Variants in PIK3C2A observed in about 807,000 individuals in gnomAD.
The protein encoded by PIK3C2A is phosphatidylinositol-4-phosphate 3-kinase catalytic subunit type 2 alpha.
In PIK3C2A, 97 loss-of-function variants were observed where a neutral mutation model predicts 204.5. That is an observed-to-expected ratio of 0.47 (90% CI 0.40 to 0.56). The LOEUF (loss-of-function observed/expected upper bound fraction) is 0.56, where lower values mean the gene tolerates loss of function less well. PIK3C2A is among the 20% of genes least tolerant of loss of function. The pLI is 0.00. For synonymous variants in PIK3C2A, 653 were observed against 664.4 expected, an observed-to-expected ratio of 0.98 and a Z score of 0.26; for missense variants, 1,735 against 1,969.2, an observed-to-expected ratio of 0.88 and a Z score of 2.25.
intron 17 of PIK3C2A, 62 bp downstream of exon 17, chr11:17,119,158 G>C (rs1388226107): frequency 1.1e-6 from 1 of 932,952 alleles, no homozygotes; most frequent in Non-Finnish European, 1.7e-6. Flanking sequence ...GGATCCCTTA[G>C]CAAGTTCCCA....
intron 1 of PIK3C2A, among the ~76,000 whole-genome samples, chr11:17,200,216 T>C (rs1017103375): frequency 2.6e-5 from 4 of 151,470 alleles, no homozygotes; most frequent in African/African-American, 9.7e-5. Context: ...AAAGTCATCG[T>C]CTTGATCGAA....
chr11:17,114,335 GAACTTAT>G lies in PIK3C2A; in HGVS notation c.3321+19_3321+25del. ...TTCCTATTATTTTCAAATGTAATAT[GAACTTAT>G]AAGTATTTTATGTGTCACCTTAATA... On this transcript the variant is annotated intron_variant, in intron 20 of 32. Coordinates refer to ENST00000691414, the MANE Select transcript of PIK3C2A (RefSeq NM_002645.4). 8.9e-7 allele frequency: 1 copy of G among 1,122,064 alleles called. No homozygotes were observed. Among genetic ancestry groups the G allele is most frequent in the Non-Finnish European group, 1.4e-6 (1 of 733,328 alleles). 69.5% of individuals were successfully genotyped at this position (1,122,064 alleles called of 1,614,324 possible). A position where few individuals can be genotyped will look rare whatever the true frequency, so the allele number is the denominator to read the frequency against.
intron 2 of PIK3C2A, among the ~76,000 whole-genome samples, chr11:17,158,861 T>C (rs1324635712): frequency 6.6e-6 from 1 of 152,190 alleles, no homozygotes; most frequent in East Asian, 1.9e-4. Context: ...TTTATTCAAG[T>C]TACGAGTTTG....
chr11:17,131,790 G>A (rs935055414), intron 12 of PIK3C2A, 126 bp downstream of exon 12: 7 of 769,846 alleles, frequency 9.1e-6, no homozygotes, highest in Non-Finnish European at 1.5e-5. Flanking sequence ...GAGATCTTAA[G>A]ACATAAGTCA....
intron 1 of PIK3C2A, among the ~76,000 whole-genome samples, chr11:17,190,399 C>A (rs544132182): frequency 5.9e-5 from 9 of 151,828 alleles, no homozygotes; most frequent in Non-Finnish European, 1.3e-4. Flanking sequence ...TGGTGCAACA[C>A]CATCTCTATT....
In PIK3C2A at chr11:17,145,958, T is replaced by G; in HGVS notation, c.1561-16A>C. 6.3e-7 allele frequency: 1 copy of G among 1,593,716 alleles called. No individual in the cohort carries two copies. Among genetic ancestry groups the G allele is most frequent in the Non-Finnish European group, 8.6e-7 (1 of 1,163,508 alleles). On this transcript the variant is annotated splice_polypyrimidine_tract_variant and intron_variant, in intron 6 of 32. Coordinates refer to ENST00000691414, the MANE Select transcript of PIK3C2A (RefSeq NM_002645.4). Reference sequence around the variant, plus strand: ...CATCTTCTGCCTAAACAAACACATATACACAAAAAAATCACATCCACTCTT... The same window carrying G: ...CATCTTCTGCCTAAACAAACACATAGACACAAAAAAATCACATCCACTCTT...
chr11:17,205,559 T>TCTATAGAGCACTA (rs1443733039), intron 1 of PIK3C2A, among the ~76,000 whole-genome samples: 1 of 151,658 alleles, frequency 6.6e-6, no homozygotes. Context: ...CTACTGCTGC[T>TCTATAGAGCACTA]CTGATGCTCT....
intron 25 of PIK3C2A, among the ~76,000 whole-genome samples, chr11:17,100,377 C>T (rs1210289218): frequency 6.6e-6 from 1 of 151,428 alleles, no homozygotes; most frequent in Non-Finnish European, 1.5e-5. Context: ...CTATGCCTGG[C>T]GAACTTTTTT....
chr11:17,105,837 A>C (rs1056815954), intron 22 of PIK3C2A, among the ~76,000 whole-genome samples: 12 of 152,160 alleles, frequency 7.9e-5, no homozygotes, highest in African/African-American at 2.7e-4. Flanking sequence ...GCCTGGGTGC[A>C]GTGACTCACG....
At chr11:17,132,455 G>A (rs1029222497) in intron 11 of PIK3C2A, among the ~76,000 whole-genome samples, 6 of 148,858 alleles carry the variant, frequency 4.0e-5, no homozygotes, top group Non-Finnish European at 8.9e-5. Flanking sequence ...TCAGCCTCCC[G>A]AGTAGCTGGG....
At chr11:17,125,561 T>G (rs1849494955) in intron 13 of PIK3C2A, among the ~76,000 whole-genome samples, 1 of 152,118 alleles carries the variant, frequency 6.6e-6, no homozygotes, top group Non-Finnish European at 1.5e-5. Context: ...TCGCCCAGGC[T>G]GGAGTGTAGT....
In PIK3C2A at chr11:17,091,350, G is replaced by A. The variant is rs751396589; in HGVS notation, c.4862C>T (p.Pro1621Leu). 4.3e-6 allele frequency: 7 copies of A among 1,612,270 alleles called. No homozygotes were observed. Among genetic ancestry groups the A allele is most frequent in the African/African-American group, 1.3e-5 (1 of 74,934 alleles). ...KTKISRKTRN[P>L]TFNEMLVYSG... ...TTAACTTACCATTTCATTGAATGTC[G>A]GATTCCTCGTTTTTCGTGAAATTTT... The change falls in exon 32 of 33, where the codon CCG becomes CTG. Residue 1621 changes from proline (P) to leucine (L), a missense_variant. Transcript: ENST00000691414.
At chr11:17,160,753 G>C (rs1417494302) in intron 2 of PIK3C2A, among the ~76,000 whole-genome samples, 1 of 150,868 alleles carries the variant, frequency 6.6e-6, no homozygotes, top group African/African-American at 2.4e-5. Flanking sequence ...GAACCCAGGA[G>C]ACAGAGGTTG....
intron 24 of PIK3C2A, 43 bp downstream of exon 24, chr11:17,102,619 C>T (rs1422399453): frequency 2.0e-6 from 3 of 1,479,946 alleles, no homozygotes; most frequent in Admixed American, 2.1e-5. Flanking sequence ...ATTTGTGAAA[C>T]AGGAAGTGCC....
intron 21 of PIK3C2A, among the ~76,000 whole-genome samples, chr11:17,111,191 A>T (rs1461335746): frequency 6.6e-6 from 1 of 152,222 alleles, no homozygotes; most frequent in Non-Finnish European, 1.5e-5. Flanking sequence ...TACAGGCATG[A>T]GCCACCATAT....
In PIK3C2A at chr11:17,169,166, T is replaced by C. The variant is rs1851073557; in HGVS notation, c.576A>G (p.Gln192=). The C allele has an allele frequency of 2.5e-6, 4 of 1,613,760 alleles. No individual in the cohort carries two copies. Among genetic ancestry groups the C allele is most frequent in the African/African-American group, 2.7e-5 (2 of 74,906 alleles). ...TCAAAGGATATGAGAAATATGGAGA[T>C]TGTCCCGGAAGACTTAAATATATAG... ...TEPIYLSLPG[Q]SPYFSYPLTP... is the part of the protein sequence containing the mutation. Residue 192 remains glutamine, a synonymous_variant, in exon 2 of 33, where the codon CAA becomes CAG. Coordinates refer to ENST00000691414, the MANE Select transcript of PIK3C2A (RefSeq NM_002645.4).
intron 3 of PIK3C2A, among the ~76,000 whole-genome samples, chr11:17,154,254 C>A (rs1850514321): frequency 3.3e-5 from 5 of 152,110 alleles, no homozygotes. Flanking sequence ...CAGGAAAATA[C>A]AAGGCCTGTC....
At position 17,108,436 on chromosome 11, in the gene PIK3C2A, T is replaced by C. The variant is rs1437470141; in HGVS notation, c.3544+1996A>G. On this transcript the variant is annotated intron_variant, in intron 22 of 32. Transcript: ENST00000691414. ...GACAACATAGTGAGACCCCTGTCTT[T>C]ATGAAAAATTTTAAAAATTAGCTGG... Among the ~76,000 whole-genome samples the C allele has an allele frequency of 2.6e-5, 4 of 152,098 alleles. No individual in the cohort carries two copies. In the South Asian group the frequency reaches 6.2e-4, roughly 24 times the overall value.
chr11:17,171,527 G>A (rs1009945252), intron 1 of PIK3C2A, among the ~76,000 whole-genome samples: 1 of 152,094 alleles, frequency 6.6e-6, no homozygotes, highest in East Asian at 1.9e-4. Context: ...TTACTAAGGA[G>A]GTCATGAAGA....
Sources: gnomAD v4.1 joint callset for allele counts (sites outside exome capture counted in the v4.1 genomes callset) on GRCh38, gnomAD v4.1.1 for gene constraint, MANE v1.5 for transcripts, NCBI Gene and HGNC (gene_info 2026-07-23, HGNC 2026-07-21) for gene names.